Variants in CLEC16A observed in about 807,000 individuals in gnomAD.
CLEC16A encodes protein CLEC16A.
CLEC16A carries 51 observed loss-of-function variants against 109.5 expected under a neutral mutation model. The observed-to-expected ratio is 0.47, with a 90% CI of 0.37 to 0.59. The LOEUF (loss-of-function observed/expected upper bound fraction) is 0.59. Among genes scored for constraint, CLEC16A ranks in the 20% least tolerant of loss-of-function variants. CLEC16A has a pLI of 0.00. For missense variants in CLEC16A, 1,339 were observed against 1,394.0 expected (o/e 0.96, Z 0.63); for synonymous variants, 673 against 564.2 (o/e 1.19, Z -2.73).
At chr16:11,015,737 G>A (rs991844861) in intron 11 of CLEC16A, among the ~76,000 whole-genome samples, 1 of 152,274 alleles carries the variant, frequency 6.6e-6, no homozygotes, top group Admixed American at 6.5e-5. Flanking sequence ...CCAGAAAGGG[G>A]ACAACTACGT....
intron 19 of CLEC16A, among the ~76,000 whole-genome samples, chr16:11,100,268 C>T (rs1466471236): frequency 1.3e-5 from 2 of 152,204 alleles, no homozygotes; most frequent in East Asian, 3.8e-4. Flanking sequence ...ATCATGCCCT[C>T]CTACGGTCCT....
intron 12 of CLEC16A, among the ~76,000 whole-genome samples, chr16:11,023,586 A>G (rs1032033453): frequency 6.6e-6 from 1 of 151,104 alleles, no homozygotes; most frequent in Non-Finnish European, 1.5e-5. Context: ...TGTGTTTGAA[A>G]TGTTATGACA....
rs1425061171 is a variant in CLEC16A, at chr16:10,972,577, G to A, written c.604+18G>A. On this transcript the variant is annotated intron_variant, in intron 6 of 23. Transcript: ENST00000409790. ...AGTGTCATGTAAGTTATTAACCTCT[G>A]GTTTTCTGCTTTCTTAATCTACCCT... The A allele has an allele frequency of 4.4e-6, 7 of 1,608,408 alleles. No homozygotes were observed. Among genetic ancestry groups the A allele is most frequent in the Non-Finnish European group, 6.0e-6 (7 of 1,175,490 alleles).
intron 10 of CLEC16A, among the ~76,000 whole-genome samples, chr16:10,990,572 T>C (rs905584890): frequency 1.3e-5 from 2 of 152,188 alleles, no homozygotes; most frequent in Admixed American, 6.5e-5. Flanking sequence ...TGCTACATCC[T>C]GGAGAAGCCA....
chr16:10,971,026 G>C, intron 4 of CLEC16A, 99 bp from the exon 5 acceptor site: 23 of 330,882 alleles, frequency 7.0e-5, no homozygotes, highest in South Asian at 3.1e-4. Context: ...TTTTTTTTTT[G>C]TCTTTTTCTG....
At chr16:11,069,095 A>G (rs1461239326) in intron 19 of CLEC16A, among the ~76,000 whole-genome samples, 1 of 151,964 alleles carries the variant, frequency 6.6e-6, no homozygotes, top group Non-Finnish European at 1.5e-5. Flanking sequence ...GGTATCCCAA[A>G]GTGCTGGGAT....
At chr16:10,974,192 C>T (rs1268550630) in intron 7 of CLEC16A, among the ~76,000 whole-genome samples, 1 of 151,972 alleles carries the variant, frequency 6.6e-6, no homozygotes, top group Non-Finnish European at 1.5e-5. Context: ...GCCACTGTAC[C>T]CAGCCATAAG....
rs553526771 is a variant in CLEC16A at position 10,979,439 on chromosome 16, C to A, written c.957+57C>A. The A allele has an allele frequency of 6.4e-5, 97 of 1,508,278 alleles. No individual in the cohort carries two copies. In the East Asian group the frequency reaches 2.1e-3, roughly 33 times the overall value. 93.4% of individuals were successfully genotyped at this position (1,508,278 alleles called of 1,614,324 possible). The stretch of plus-strand genomic sequence containing the variant: ...ACATTTGGGGTCCCTTGGCGTGCCA[C>A]TGCCTTGAAGAAAATCCCCAGGCCT... On this transcript the variant is annotated intron_variant, in intron 9 of 23. Transcript: ENST00000409790.
chr16:11,163,325 A>G (rs2054792529), intron 22 of CLEC16A, among the ~76,000 whole-genome samples: 1 of 152,238 alleles, frequency 6.6e-6, no homozygotes, highest in African/African-American at 2.4e-5. Context: ...AAAAAAGCCA[A>G]AAGTCACTGT....
chr16:10,962,563 G>A lies in CLEC16A; in HGVS notation c.318G>A (p.Glu106=). ...QLLQTLNILF[E]NISHETSLYY... is the part of the protein sequence containing the mutation. ...TGCAGACCTTGAACATCCTCTTTGA[G>A]AACATCAGTCACGAGACCTCACTTT... The change falls in exon 3 of 24, where the codon GAG becomes GAA. Residue 106 remains glutamate (E), a synonymous_variant. Transcript: ENST00000409790. 6.2e-7 allele frequency: 1 copy of A among 1,613,880 alleles called. No homozygotes were observed. The highest frequency in any genetic ancestry group is 1.3e-5 in the African/African-American group (1 of 75,018).
At position 11,006,561 on chromosome 16, in the gene CLEC16A, C is replaced by T. The variant is rs527979610; in HGVS notation, c.1303+3256C>T. On this transcript the variant is annotated intron_variant, in intron 11 of 23. Transcript: ENST00000409790. The stretch of plus-strand genomic sequence containing the variant: ...TCTTAAGGAAAGAGATGCTGACACT[C>T]TGCCTCTGCATACCCTGCCAATCCC... Among the ~76,000 whole-genome samples the T allele has an allele frequency of 1.2e-4, 18 of 152,328 alleles. No homozygotes were observed. In the South Asian group the frequency reaches 3.7e-3, roughly 32 times the overall value.
intron 22 of CLEC16A, among the ~76,000 whole-genome samples, chr16:11,163,669 G>A (rs1463325363): frequency 1.3e-5 from 2 of 152,154 alleles, no homozygotes; most frequent in Non-Finnish European, 2.9e-5. Context: ...TTATGATGCT[G>A]TAATAAACCA....
chr16:11,060,896 G>A lies in CLEC16A; in HGVS notation c.1996-6G>A. 6.2e-7 allele frequency: 1 copy of A among 1,606,306 alleles called. No homozygotes were observed. The highest frequency in any genetic ancestry group is 8.5e-7 in the Non-Finnish European group (1 of 1,176,008). ...CTCTTCTCTGCTCTCTGAACTGTTG[G>A]TCCAGGCCATCCGGGTGTTCTTCAT... On this transcript the variant is annotated splice_region_variant and splice_polypyrimidine_tract_variant and intron_variant, in intron 18 of 23. Transcript: ENST00000409790.
chr16:10,991,776 C>G (rs1005255044), intron 10 of CLEC16A, among the ~76,000 whole-genome samples: 1 of 152,240 alleles, frequency 6.6e-6, no homozygotes, highest in Non-Finnish European at 1.5e-5. Context: ...GTCCTTGAAA[C>G]TGGTTTTGCT....
chr16:11,040,530 T>TTTTTTTC (rs71136607), intron 14 of CLEC16A: 17 of 148,514 alleles, frequency 1.1e-4, no homozygotes, highest in African/African-American at 4.0e-4. Context: ...TTTTTTTTTT[T>TTTTTTTC]GAGATGGAGT....
intron 19 of CLEC16A, among the ~76,000 whole-genome samples, chr16:11,073,285 A>G (rs985053543): frequency 6.6e-6 from 1 of 152,064 alleles, no homozygotes; most frequent in African/African-American, 2.4e-5. Flanking sequence ...ACAGGTAGAC[A>G]TTTAATGGAG....
intron 22 of CLEC16A, among the ~76,000 whole-genome samples, chr16:11,141,515 C>T (rs1205471095): frequency 6.6e-6 from 1 of 152,172 alleles, no homozygotes; most frequent in African/African-American, 2.4e-5. Flanking sequence ...CGTGGGGGAT[C>T]TGGAGGGGTG....
intron 19 of CLEC16A, among the ~76,000 whole-genome samples, chr16:11,084,705 G>A (rs1026392646): frequency 1.3e-5 from 2 of 152,154 alleles, no homozygotes; most frequent in East Asian, 3.8e-4. Flanking sequence ...TGTGGAGGGA[G>A]GCAATTTTAA....
intron 9 of CLEC16A, 70 bp downstream of exon 9, chr16:10,979,452 A>G (rs2043201010): frequency 5.0e-6 from 7 of 1,392,266 alleles, no homozygotes; most frequent in African/African-American, 1.4e-5. Context: ...CCTTGAAGAA[A>G]ATCCCCAGGC....
Sources: gnomAD v4.1 joint callset for allele counts (sites outside exome capture counted in the v4.1 genomes callset) on GRCh38, gnomAD v4.1.1 for gene constraint, MANE v1.5 for transcripts, NCBI Gene and HGNC (gene_info 2026-07-23, HGNC 2026-07-21) for gene names.